The following SORCS3 variants were observed in gnomAD, a reference collection of about 807,000 sequenced individuals.
The protein encoded by SORCS3 is VPS10 domain-containing receptor SorCS3.
A neutral mutation model predicts 146.3 loss-of-function variants in SORCS3; 57 were observed. The observed-to-expected ratio is 0.39, with a 90% CI of 0.31 to 0.49. The LOEUF is 0.49. Among genes scored for constraint, SORCS3 ranks in the 20% least tolerant of loss-of-function variants. The pLI is 0.92. For missense variants in SORCS3, 1,341 were observed against 1,575.5 expected (o/e 0.85, Z 2.52); for synonymous variants, 653 against 618.5 (o/e 1.06, Z -0.83).
At chr10:104,908,695 A>C (rs559302825) in intron 2 of SORCS3, among the ~76,000 whole-genome samples, 1 of 152,366 alleles carries the variant, frequency 6.6e-6, no homozygotes, top group South Asian at 2.1e-4. Flanking sequence ...GCAATTGCTG[A>C]AAATATCAAA....
chr10:104,739,846 G>T (rs1225503558), intron 1 of SORCS3, among the ~76,000 whole-genome samples: 1 of 152,164 alleles, frequency 6.6e-6, no homozygotes, highest in Admixed American at 6.5e-5. Flanking sequence ...ATAAGACAAG[G>T]AATTCACCCA....
At chr10:104,707,064 G>A (rs1176102632) in intron 1 of SORCS3, among the ~76,000 whole-genome samples, 1 of 152,122 alleles carries the variant, frequency 6.6e-6, no homozygotes, top group Non-Finnish European at 1.5e-5. Context: ...GCATCGCATA[G>A]AGACAGGGCA....
At chr10:104,832,108 A>G (rs997829752) in intron 1 of SORCS3, among the ~76,000 whole-genome samples, 3 of 152,192 alleles carry the variant, frequency 2.0e-5, no homozygotes, top group African/African-American at 7.2e-5. Context: ...TCATAGTGTG[A>G]TAGAATAATT....
Position 104,846,366 on chromosome 10 carries a change from A to G in SORCS3, c.695+3507A>G, listed in dbSNP as rs748548718. On this transcript the variant is annotated intron_variant, in intron 2 of 26. Coordinates refer to ENST00000369701, the MANE Select transcript of SORCS3 (RefSeq NM_014978.3). ...TAGAGCCGTATGATTTCCCTTCCTAATACAGTGTGCAGACCAAAGAAACTA... is the reference window on the plus strand; with the variant it reads ...TAGAGCCGTATGATTTCCCTTCCTAGTACAGTGTGCAGACCAAAGAAACTA... 1.1e-3 allele frequency among the ~76,000 whole-genome samples: 166 copies of G among 152,152 alleles called. 1 individual carries two copies. Among genetic ancestry groups the G allele is most frequent in the Admixed American group, 1.8e-3 (28 of 15,284 alleles).
intron 1 of SORCS3, among the ~76,000 whole-genome samples, chr10:104,707,900 C>T (rs569506480): frequency 1.6e-4 from 24 of 152,308 alleles, no homozygotes; most frequent in Non-Finnish European, 3.1e-4. Context: ...GTCAGATACA[C>T]TTGGGATGCA....
At chr10:105,247,414 T>A in intron 22 of SORCS3, 83 bp downstream of exon 22, 1 of 703,892 alleles carries the variant, frequency 1.4e-6, no homozygotes. Context: ...TTGGCATGGA[T>A]TGAAACTGCA....
At position 104,872,436 on chromosome 10, in the gene SORCS3, A is replaced by G. The variant is rs1208136097; in HGVS notation, c.695+29577A>G. ...GAAGAAAATAGAGGACTCAGTCTCA[A>G]TGTGAGTGTGCATCAGCATTACCGG... is the stretch of plus-strand genomic sequence containing the variant. On this transcript the variant is annotated intron_variant, in intron 2 of 26. Transcript: ENST00000369701. Among the ~76,000 whole-genome samples the G allele has an allele frequency of 2.0e-5, 3 of 152,140 alleles. No homozygotes were observed. In the South Asian group the frequency reaches 6.2e-4, roughly 31 times the overall value.
At chr10:104,683,928 C>G (rs1036661158) in intron 1 of SORCS3, among the ~76,000 whole-genome samples, 2 of 152,134 alleles carry the variant, frequency 1.3e-5, no homozygotes, top group Non-Finnish European at 2.9e-5. Context: ...ATAACCATCT[C>G]AGAGGAGAGC....
chr10:105,050,242 G>C (rs2055401608), intron 5 of SORCS3, among the ~76,000 whole-genome samples: 1 of 152,026 alleles, frequency 6.6e-6, no homozygotes, highest in African/African-American at 2.4e-5. Flanking sequence ...GCCAGTCTAT[G>C]GTGTTCTCTT....
rs569498619 is a variant in SORCS3, at chr10:104,847,970, G to A, written c.695+5111G>A. On this transcript the variant is annotated intron_variant, in intron 2 of 26. Coordinates refer to ENST00000369701, the MANE Select transcript of SORCS3 (RefSeq NM_014978.3). ...CATGACCCTCCTTTCTGGGTGGGAGGCTCCTCTTCTGCTTATGGGTAGCTT... is the reference window on the plus strand; with the variant it reads ...CATGACCCTCCTTTCTGGGTGGGAGACTCCTCTTCTGCTTATGGGTAGCTT... Among the ~76,000 whole-genome samples, 5 of 152,006 alleles carry A rather than the reference G, an allele frequency of 3.3e-5. No individual in the cohort carries two copies. In the East Asian group the frequency reaches 9.7e-4, roughly 29 times the overall value.
chr10:104,899,097 C>T (rs1341777954), intron 2 of SORCS3, among the ~76,000 whole-genome samples: 3 of 152,202 alleles, frequency 2.0e-5, no homozygotes, highest in Non-Finnish European at 4.4e-5. Flanking sequence ...ACTCAGTAAA[C>T]ATCTGTTGAT....
chr10:104,851,583 G>A (rs1256991924), intron 2 of SORCS3, among the ~76,000 whole-genome samples: 3 of 152,106 alleles, frequency 2.0e-5, no homozygotes, highest in Admixed American at 1.3e-4. Context: ...GCTCTCTAAG[G>A]TAGGCCTTAA....
At chr10:104,945,154 A>G (rs758323193) in intron 3 of SORCS3, among the ~76,000 whole-genome samples, 1 of 152,210 alleles carries the variant, frequency 6.6e-6, no homozygotes, top group Non-Finnish European at 1.5e-5. Context: ...AATAGAACTA[A>G]TCAATGTTAA....
intron 1 of SORCS3, among the ~76,000 whole-genome samples, chr10:104,751,889 A>G (rs1314882514): frequency 2.3e-4 from 31 of 136,226 alleles, no homozygotes; most frequent in African/African-American, 8.3e-4. Flanking sequence ...AAGTTCTTAT[A>G]TGCTCACTTA....
intron 2 of SORCS3, among the ~76,000 whole-genome samples, chr10:104,904,579 G>A (rs903351635): frequency 2.0e-5 from 3 of 152,012 alleles, no homozygotes; most frequent in Admixed American, 1.3e-4. Flanking sequence ...TCATACACTG[G>A]AATGTTGTAA....
chr10:105,226,775 A>G (rs1387825497), intron 20 of SORCS3, among the ~76,000 whole-genome samples: 1 of 150,746 alleles, frequency 6.6e-6, no homozygotes, highest in Non-Finnish European at 1.5e-5. Flanking sequence ...TTTCTTCCTG[A>G]TTCAGTCTTG....
chr10:104,764,334 T>G (rs939480658), intron 1 of SORCS3, among the ~76,000 whole-genome samples: 11 of 152,180 alleles, frequency 7.2e-5, no homozygotes, highest in African/African-American at 2.4e-5. Flanking sequence ...AGATTATGTA[T>G]TTCTAGCCAG....
chr10:105,079,322 A>T (rs1395522847), intron 5 of SORCS3, among the ~76,000 whole-genome samples: 8 of 152,234 alleles, frequency 5.3e-5, no homozygotes, highest in Non-Finnish European at 1.2e-4. Context: ...TCCTCAAGTG[A>T]TACTAATATT....
At chr10:104,783,085 C>T (rs1564682427) in intron 1 of SORCS3, among the ~76,000 whole-genome samples, 2 of 152,184 alleles carry the variant, frequency 1.3e-5, no homozygotes, top group Non-Finnish European at 2.9e-5. Flanking sequence ...TAGAGTAATA[C>T]TATTTTAAAT....
Sources: gnomAD v4.1 joint callset for allele counts (sites outside exome capture counted in the v4.1 genomes callset) on GRCh38, gnomAD v4.1.1 for gene constraint, MANE v1.5 for transcripts, NCBI Gene and HGNC (gene_info 2026-07-23, HGNC 2026-07-21) for gene names.